SSU72: variants seen among roughly 807,000 people sequenced by gnomAD.
SSU72 encodes RNA polymerase II subunit A C-terminal domain phosphatase SSU72.
A neutral mutation model predicts 22.7 loss-of-function variants in SSU72; 12 were observed. The ratio of observed to expected loss-of-function variants is 0.53; its 90% CI spans 0.34 to 0.86. SSU72 has a LOEUF of 0.86. Among genes scored for constraint, SSU72 ranks in the 40% least tolerant of loss-of-function variants. SSU72 has a pLI of 0.02. For missense variants in SSU72, 151 were observed against 249.8 expected (o/e 0.60, Z 2.67); for synonymous variants, 116 against 98.3 (o/e 1.18, Z -1.06).
chr1:1,564,976 A>C, intron 1 of SSU72, 60 bp from the exon 2 acceptor site: 1 of 1,529,474 alleles, frequency 6.5e-7, no homozygotes, highest in Non-Finnish European at 8.8e-7. Flanking sequence ...TTCCAAAAGC[A>C]AGGGACAGCA....
Position 1,542,772 on chromosome 1 carries a change from GT to G in SSU72, c.484-606del, listed in dbSNP as rs1197209762. On this transcript the variant is annotated intron_variant, in intron 4 of 4. Coordinates refer to ENST00000291386, the MANE Select transcript of SSU72 (RefSeq NM_014188.3). This position sits in a 1 kb window ranked among gnomAD's most constrained non-coding sequence, Gnocchi z 4.4. ...GGCCAACGTGACCCAAGCAGAAATC[GT>G]GCAATAACTTCTGGGACGACATTTT... Among the ~76,000 whole-genome samples, 2 of 152,028 alleles carry G rather than the reference GT, an allele frequency of 1.3e-5. No individual in the cohort carries two copies. The highest frequency in any genetic ancestry group is 3.9e-4 in the East Asian group (2 of 5,160).
intron 1 of SSU72, among the ~76,000 whole-genome samples, chr1:1,573,458 A>G (rs1186913629): frequency 6.7e-6 from 1 of 148,984 alleles, no homozygotes; most frequent in Non-Finnish European, 1.5e-5. Flanking sequence ...AAAAAAAAAG[A>G]AAGAAAAGAA....
In SSU72 at chr1:1,547,062, G is replaced by A. The variant is rs570473539; in HGVS notation, c.225-2060C>T. Among the ~76,000 whole-genome samples the A allele has an allele frequency of 5.9e-5, 9 of 152,114 alleles. No homozygotes were observed. In the East Asian group the frequency reaches 1.7e-3, roughly 29 times the overall value. ...AAAAGAAAAAAAAGAGCTCAAGACG[G>A]CCTGACCTTGTTGTGTGCAGCCACA... is the stretch of plus-strand genomic sequence containing the variant. On this transcript the variant is annotated intron_variant, in intron 2 of 4. Coordinates refer to ENST00000291386, the MANE Select transcript of SSU72 (RefSeq NM_014188.3).
chr1:1,544,801 A>G, intron 3 of SSU72, 62 bp downstream of exon 3: 2 of 1,610,828 alleles, frequency 1.2e-6, no homozygotes, highest in East Asian at 2.2e-5. Flanking sequence ...GGGGCCCTGC[A>G]GGCATCCCCA....
intron 1 of SSU72, among the ~76,000 whole-genome samples, chr1:1,566,618 C>T (rs916436955): frequency 1.3e-5 from 2 of 152,150 alleles, no homozygotes; most frequent in South Asian, 2.1e-4. Context: ...TTTGGGAGGC[C>T]GAGGTGGGCA....
At chr1:1,559,681 A>C (rs1642563720) in intron 2 of SSU72, among the ~76,000 whole-genome samples, 2 of 152,038 alleles carry the variant, frequency 1.3e-5, no homozygotes, top group African/African-American at 4.8e-5. Context: ...CGCCTCAGCC[A>C]CCTGAGCAGC....
At chr1:1,555,114 GAC>G (rs1343084579) in intron 2 of SSU72, among the ~76,000 whole-genome samples, 1 of 152,138 alleles carries the variant, frequency 6.6e-6, no homozygotes, top group East Asian at 1.9e-4. Flanking sequence ...TGAGTGACGG[GAC>G]ACACAGGAAC....
At chr1:1,571,017 C>T (rs990900757) in intron 1 of SSU72, among the ~76,000 whole-genome samples, 1 of 151,992 alleles carries the variant, frequency 6.6e-6, no homozygotes, top group East Asian at 1.9e-4. Flanking sequence ...GAGGCCGAGG[C>T]GGGCGGATCA....
intron 2 of SSU72, among the ~76,000 whole-genome samples, chr1:1,551,790 C>T (rs1642459352): frequency 6.6e-6 from 1 of 152,226 alleles, no homozygotes; most frequent in Admixed American, 6.5e-5. Flanking sequence ...CACATCGCCC[C>T]GAAGGCCTGA....
intron 2 of SSU72, among the ~76,000 whole-genome samples, chr1:1,556,945 T>A (rs1262165205): frequency 1.3e-5 from 2 of 152,210 alleles, no homozygotes; most frequent in Non-Finnish European, 2.9e-5. Flanking sequence ...TCATCTCAGA[T>A]GAGAAGAGCA....
intron 1 of SSU72, among the ~76,000 whole-genome samples, chr1:1,568,209 C>T (rs1458438811): frequency 6.6e-6 from 1 of 152,226 alleles, no homozygotes; most frequent in Non-Finnish European, 1.5e-5. Flanking sequence ...GCTTGGAAAA[C>T]ACTCCTGACA....
intron 1 of SSU72, among the ~76,000 whole-genome samples, chr1:1,565,998 T>C (rs539596415): frequency 6.6e-6 from 1 of 152,238 alleles, no homozygotes; most frequent in Non-Finnish European, 1.5e-5. Flanking sequence ...GGCTCACACC[T>C]TCAATCCAGG....
chr1:1,566,080 AC>A (rs995915087), intron 1 of SSU72, among the ~76,000 whole-genome samples: 1 of 151,040 alleles, frequency 6.6e-6, no homozygotes, highest in African/African-American at 2.4e-5. Context: ...AGGAGGCGAA[AC>A]CCCAGCTCCG....
At chr1:1,547,664 G>GC (rs1642407353) in intron 2 of SSU72, among the ~76,000 whole-genome samples, 1 of 152,368 alleles carries the variant, frequency 6.6e-6, no homozygotes, top group African/African-American at 2.4e-5. Flanking sequence ...AAGGCTCAGA[G>GC]CAAGGCGAGA....
intron 2 of SSU72, among the ~76,000 whole-genome samples, chr1:1,559,587 A>G (rs1348197025): frequency 6.6e-6 from 1 of 152,042 alleles, no homozygotes; most frequent in Non-Finnish European, 1.5e-5. Flanking sequence ...ATACACTACT[A>G]CTATTATTAC....
Position 1,541,812 on chromosome 1 carries a change from A to G in SSU72, c.*254T>C, listed in dbSNP as rs113613563. On this transcript the variant is annotated 3_prime_UTR_variant, in exon 5 of 5. Coordinates refer to ENST00000291386, the MANE Select transcript of SSU72 (RefSeq NM_014188.3). ...CAGGTATGTCGGGAAGTGCACACAAACCGTTGTCTTTCCTTTTTGGTTAAA... is the reference window on the plus strand; with the variant it reads ...CAGGTATGTCGGGAAGTGCACACAAGCCGTTGTCTTTCCTTTTTGGTTAAA... 3.0e-3 allele frequency: 1,441 copies of G among 479,658 alleles called. 20 individuals carry two copies. The highest frequency in any genetic ancestry group is 0.026 in the African/African-American group (1,338 of 50,882). 29.7% of individuals were successfully genotyped at this position (479,658 alleles called of 1,614,324 possible).
chr1:1,564,405 C>T (rs985268408), intron 2 of SSU72: 42 of 1,397,732 alleles, frequency 3.0e-5, no homozygotes, highest in African/African-American at 4.4e-5. Context: ...CACACACGCA[C>T]GCACACCAAC....
chr1:1,572,325 G>A lies in SSU72; in HGVS notation c.80+2153C>T, dbSNP rs535795724. Among the ~76,000 whole-genome samples the A allele has an allele frequency of 1.4e-4, 20 of 144,852 alleles. No individual in the cohort carries two copies. In the South Asian group the frequency reaches 3.7e-3, roughly 27 times the overall value. On this transcript the variant is annotated intron_variant, in intron 1 of 4. Coordinates refer to ENST00000291386, the MANE Select transcript of SSU72 (RefSeq NM_014188.3). ...CGCCTGTAGTCCCAGCTACTCAGGA[G>A]GCTGAGGCAGGAGAATAGTGTGAAC...
Position 1,572,032 on chromosome 1 carries a change from T to C in SSU72, c.80+2446A>G, listed in dbSNP as rs1022085633. Among the ~76,000 whole-genome samples, 5 of 150,550 alleles carry C rather than the reference T, an allele frequency of 3.3e-5. No homozygotes were observed. In the East Asian group the frequency reaches 6.1e-4, roughly 18 times the overall value. On this transcript the variant is annotated intron_variant, in intron 1 of 4. Coordinates refer to ENST00000291386, the MANE Select transcript of SSU72 (RefSeq NM_014188.3). ...AGATGGTCTCGATCTCCTGACCTCGTGATCCACCTGCCTCGGCCTCCCAAA... is the reference window on the plus strand; with the variant it reads ...AGATGGTCTCGATCTCCTGACCTCGCGATCCACCTGCCTCGGCCTCCCAAA...
Sources: gnomAD v4.1 joint callset for allele counts (sites outside exome capture counted in the v4.1 genomes callset) on GRCh38, gnomAD v4.1.1 for gene constraint, Gnocchi (gnomAD v3.1) non-coding constraint, MANE v1.5 for transcripts, NCBI Gene and HGNC (gene_info 2026-07-23, HGNC 2026-07-21) for gene names.